The following DCLK1 variants were observed in gnomAD, a reference collection of about 807,000 sequenced individuals.
DCLK1 encodes the protein doublecortin like kinase 1.
A neutral mutation model predicts 86.2 loss-of-function variants in DCLK1; 16 were observed. The ratio of observed to expected loss-of-function variants is 0.19; its 90% CI spans 0.13 to 0.28. The LOEUF is 0.28. Among genes scored for constraint, DCLK1 ranks in the 10% least tolerant of loss-of-function variants. DCLK1 has a pLI of 1.00. For missense variants in DCLK1, 590 were observed against 940.2 expected (o/e 0.63, Z 4.87); for synonymous variants, 369 against 370.5 (o/e 1.00, Z 0.05).
At chr13:36,053,186 A>T (rs1883186292) in intron 3 of DCLK1, among the ~76,000 whole-genome samples, 1 of 152,180 alleles carries the variant, frequency 6.6e-6, no homozygotes, top group Non-Finnish European at 1.5e-5. Flanking sequence ...ATGAAATGCA[A>T]CACACATTGA....
intron 5 of DCLK1, 61 bp downstream of exon 5, chr13:35,871,163 C>T: frequency 7.3e-7 from 1 of 1,378,632 alleles, no homozygotes; most frequent in Non-Finnish European, 1.0e-6. Context: ...CTTCACACAC[C>T]CTCTGCTCAT....
At chr13:35,949,018 C>A (rs1448331380) in intron 3 of DCLK1, among the ~76,000 whole-genome samples, 1 of 152,134 alleles carries the variant, frequency 6.6e-6, no homozygotes, top group Non-Finnish European at 1.5e-5. Flanking sequence ...CCCCCTATGG[C>A]CATTTTCATT....
At chr13:35,993,325 AG>A (rs1880320913) in intron 3 of DCLK1, among the ~76,000 whole-genome samples, 1 of 152,208 alleles carries the variant, frequency 6.6e-6, no homozygotes, top group South Asian at 2.1e-4. Flanking sequence ...CACTTAGCAC[AG>A]CCTACCTTGC....
At chr13:36,062,826 G>A (rs1883603733) in intron 3 of DCLK1, among the ~76,000 whole-genome samples, 1 of 152,256 alleles carries the variant, frequency 6.6e-6, no homozygotes, top group African/African-American at 2.4e-5. Flanking sequence ...ACAAGCCATC[G>A]TTCCAATTTG....
chr13:36,019,180 C>T (rs1881660085), intron 3 of DCLK1, among the ~76,000 whole-genome samples: 1 of 152,144 alleles, frequency 6.6e-6, no homozygotes, highest in South Asian at 2.1e-4. Context: ...TTTAATTAAG[C>T]TGTTCCTTAA....
At chr13:35,985,895 A>T (rs2153142585) in intron 3 of DCLK1, among the ~76,000 whole-genome samples, 1 of 152,358 alleles carries the variant, frequency 6.6e-6, no homozygotes, top group Middle Eastern at 3.4e-3. Flanking sequence ...AGAAAGCCAC[A>T]TCCTCAGCAC....
At chr13:35,958,124 TACCACTACTATAACCACCACCACC>T (rs1878163190) in intron 3 of DCLK1, among the ~76,000 whole-genome samples, 1 of 1,116 alleles carries the variant, frequency 9.0e-4, no homozygotes, top group Non-Finnish European at 2.3e-3. Context: ...CCACCACCAC[TACCACTACTATAACCACCACCACC>T]ACCACTATAA....
At chr13:36,109,291 AG>A (rs1419951711) in intron 3 of DCLK1, among the ~76,000 whole-genome samples, 2 of 152,240 alleles carry the variant, frequency 1.3e-5, no homozygotes, top group East Asian at 1.9e-4. Flanking sequence ...AGGGAAAAAA[AG>A]GACAGAGCAG....
intron 11 of DCLK1, among the ~76,000 whole-genome samples, chr13:35,811,767 GA>G: frequency 6.6e-6 from 1 of 151,912 alleles, no homozygotes; most frequent in African/African-American, 2.4e-5. Flanking sequence ...CCGGGAGGTG[GA>G]GGTTGCAGTG....
chr13:36,107,130 C>A (rs1471206476), intron 3 of DCLK1, among the ~76,000 whole-genome samples: 2 of 152,076 alleles, frequency 1.3e-5, no homozygotes, highest in African/African-American at 2.4e-5. Context: ...GATTCATGAT[C>A]AAAAGATACA....
chr13:35,933,877 T>C (rs960965291), intron 4 of DCLK1, among the ~76,000 whole-genome samples: 1 of 152,238 alleles, frequency 6.6e-6, no homozygotes, highest in Admixed American at 6.5e-5. Context: ...CTGGCTTGAA[T>C]TTCTCCTCAG....
At chr13:35,826,207 A>T (rs9545507) in intron 10 of DCLK1, among the ~76,000 whole-genome samples, 2 of 151,478 alleles carry the variant, frequency 1.3e-5, no homozygotes, top group African/African-American at 2.4e-5. Context: ...CTTGTTACTA[A>T]AAAAAGGCTC....
chr13:35,835,913 T>A (rs1452775619), intron 8 of DCLK1, 120 bp downstream of exon 8: 11 of 727,588 alleles, frequency 1.5e-5, no homozygotes, highest in Non-Finnish European at 2.4e-5. Context: ...TCTTTTGCAT[T>A]TGGGGTTGAG....
intron 3 of DCLK1, among the ~76,000 whole-genome samples, chr13:36,069,211 GAAAATATTATTCTGAACTCTATT>G: frequency 6.6e-6 from 1 of 152,062 alleles, no homozygotes; most frequent in East Asian, 1.9e-4. Flanking sequence ...ATAATGCTTG[GAAAATATTATTCTGAACTCTATT>G]AAACTAGAGA....
intron 3 of DCLK1, among the ~76,000 whole-genome samples, chr13:36,090,287 G>T (rs1437058937): frequency 6.6e-6 from 1 of 152,190 alleles, no homozygotes; most frequent in Non-Finnish European, 1.5e-5. Context: ...CGATAAGGAC[G>T]CACATCCTCT....
intron 3 of DCLK1, among the ~76,000 whole-genome samples, chr13:35,964,561 T>C (rs1319403714): frequency 6.6e-6 from 1 of 152,200 alleles, no homozygotes. Context: ...GAAATATTTG[T>C]TTTCATCTCA....
intron 6 of DCLK1, chr13:35,848,445 G>T: frequency 1.0e-6 from 1 of 985,204 alleles, no homozygotes; most frequent in Non-Finnish European, 1.2e-6. Context: ...GATATATATA[G>T]CCCCTGAACA....
intron 6 of DCLK1, among the ~76,000 whole-genome samples, chr13:35,853,277 T>C (rs1043996697): frequency 6.6e-6 from 1 of 152,208 alleles, no homozygotes; most frequent in Non-Finnish European, 1.5e-5. Flanking sequence ...CCTTGTTTTG[T>C]TTTGTGTTTC....
In DCLK1 at chr13:35,788,137, C is replaced by T. The variant is rs144592956; in HGVS notation, c.2058+5229G>A. 523 of 1,379,250 alleles carry T rather than the reference C, an allele frequency of 3.8e-4. 6 individuals are homozygous for T. In the East Asian group the frequency reaches 0.012, roughly 31 times the overall value. 85.4% of individuals were successfully genotyped at this position (1,379,250 alleles called of 1,614,324 possible). A position where few individuals can be genotyped will look rare whatever the true frequency, so the allele number is the denominator to read the frequency against. On this transcript the variant is annotated intron_variant, in intron 16 of 16. Transcript: ENST00000360631. ...ACAAATCAAAAGCATGTTTATCCAC[C>T]GAAGGAACTGGTTAATGGAGACTGC...
Sources: gnomAD v4.1 joint callset for allele counts (sites outside exome capture counted in the v4.1 genomes callset) on GRCh38, gnomAD v4.1.1 for gene constraint, MANE v1.5 for transcripts, NCBI Gene and HGNC (gene_info 2026-07-23, HGNC 2026-07-21) for gene names.